The following CHEK2 variants were observed in gnomAD, a reference collection of about 807,000 sequenced individuals.
The protein encoded by CHEK2 is checkpoint kinase 2.
CHEK2 carries 71 observed loss-of-function variants against 69.1 expected under a neutral mutation model. That is an observed-to-expected ratio of 1.03 (90% confidence interval 0.85 to 1.25). The LOEUF is 1.25. Among genes scored for constraint, CHEK2 ranks in the 50% most tolerant of loss-of-function variants. The pLI, the probability that CHEK2 is intolerant of heterozygous loss-of-function variation, is 0.00. For missense variants in CHEK2, 664 were observed against 649.6 expected, an observed-to-expected ratio of 1.02 and a Z score of -0.24; for synonymous variants, 189 against 226.9, an observed-to-expected ratio of 0.83 and a Z score of 1.50.
chr22:28,709,916 A>G, intron 7 of CHEK2, 90 bp downstream of exon 7: 1 of 788,626 alleles, frequency 1.3e-6, no homozygotes, highest in South Asian at 1.5e-5. Flanking sequence ...ACACCTGGCC[A>G]ATATTATCTT....
chr22:28,699,264 AAGT>A (rs1351883197), intron 9 of CHEK2, among the ~76,000 whole-genome samples: 3 of 151,986 alleles, frequency 2.0e-5, no homozygotes, highest in African/African-American at 7.2e-5. Context: ...TGGCCTCTCA[AAGT>A]GCTGGGACTA....
At chr22:28,694,673 A>G (rs2052493381) in intron 12 of CHEK2, among the ~76,000 whole-genome samples, 1 of 152,214 alleles carries the variant, frequency 6.6e-6, no homozygotes, top group Admixed American at 6.5e-5. Context: ...TCTTCAGGGA[A>G]CTAAAGTTGC....
intron 7 of CHEK2, among the ~76,000 whole-genome samples, chr22:28,709,570 A>G (rs2073327): frequency 0.29 from 44,085 of 152,116 alleles, 6,673 homozygotes; most frequent in East Asian, 0.48. Context: ...GAATGTACAC[A>G]TAAGTTAAAG....
chr22:28,727,752 G>A (rs2054062011), intron 2 of CHEK2, among the ~76,000 whole-genome samples: 1 of 152,068 alleles, frequency 6.6e-6, no homozygotes, highest in African/African-American at 2.4e-5. Flanking sequence ...ACATATGAAA[G>A]GTGGCCAAGC....
intron 1 of CHEK2, among the ~76,000 whole-genome samples, chr22:28,736,990 A>C (rs1382447005): frequency 6.6e-6 from 1 of 152,086 alleles, no homozygotes; most frequent in Non-Finnish European, 1.5e-5. Context: ...AACCACCAGT[A>C]AAATCAAAGT....
intron 1 of CHEK2, among the ~76,000 whole-genome samples, chr22:28,737,474 CTT>C (rs543703620): frequency 3.3e-4 from 45 of 137,246 alleles, no homozygotes; most frequent in Middle Eastern, 3.9e-3. Context: ...CTGATTATTT[CTT>C]TTTTTTTTTT....
Position 28,741,148 on chromosome 22 carries a change from C to CAAAAA in CHEK2, c.-7+616_-7+620dup, listed in dbSNP as rs71194792. On this transcript the variant is annotated intron_variant, in intron 1 of 14. Transcript: ENST00000404276. ...CTGGCAACAGAGAGAGACTCCGTCT[C>CAAAAA]AAAAAAAAAAAAAAAAAAAAAAAAG... Among the ~76,000 whole-genome samples the CAAAAA allele has an allele frequency of 7.2e-3, 367 of 51,156 alleles. 6 individuals carry two copies. The highest frequency in any genetic ancestry group is 0.025 in the African/African-American group (357 of 14,540). 33.6% of individuals were successfully genotyped at this position (51,156 alleles called of 152,430 possible).
chr22:28,722,312 G>A (rs933937379), intron 4 of CHEK2, among the ~76,000 whole-genome samples: 7 of 151,442 alleles, frequency 4.6e-5, no homozygotes, highest in African/African-American at 9.7e-5. Context: ...AGGCCGAGGC[G>A]GAAGGATCAC....
rs1055548981 is a variant in CHEK2 at position 28,712,327 on chromosome 22, C to T, written c.684-310G>A. On this transcript the variant is annotated intron_variant, in intron 5 of 14. Transcript: ENST00000404276. The stretch of plus-strand genomic sequence containing the variant: ...AAAAATGAGAGAGAAACTACGTATC[C>T]GAGAGGTCAGAAAAACATTAACTAG... 8.1e-6 allele frequency: 3 copies of T among 371,672 alleles called. No homozygotes were observed. In the East Asian group the frequency reaches 1.3e-4, roughly 16 times the overall value. 23.0% of individuals were successfully genotyped at this position (371,672 alleles called of 1,614,324 possible).
intron 2 of CHEK2, among the ~76,000 whole-genome samples, chr22:28,730,210 GAGAGA>G (rs1164584945): frequency 1.5e-5 from 2 of 134,512 alleles, no homozygotes; most frequent in South Asian, 5.3e-4. Context: ...GAGAGAGGAA[GAGAGA>G]AGAGGAGAGA....
chr22:28,741,007 G>A (rs2054538252), intron 1 of CHEK2, among the ~76,000 whole-genome samples: 5 of 151,778 alleles, frequency 3.3e-5, no homozygotes, highest in Admixed American at 1.3e-4. Context: ...AATACTAGCC[G>A]GGCATGGTGG....
At chr22:28,715,632 C>G (rs1044755502) in intron 5 of CHEK2, among the ~76,000 whole-genome samples, 3 of 152,006 alleles carry the variant, frequency 2.0e-5, no homozygotes, top group Non-Finnish European at 2.9e-5. Context: ...GTCAGCCCGG[C>G]TGGTCTCAAA....
In CHEK2 at chr22:28,725,256, A is replaced by G; in HGVS notation, c.431T>C (p.Phe144Ser). 1 of 1,614,126 alleles carries G rather than the reference A, an allele frequency of 6.2e-7. No individual in the cohort carries two copies. The highest frequency in any genetic ancestry group is 8.5e-7 in the Non-Finnish European group (1 of 1,180,016). ...DKYRTYSKKH[F>S]RIFREVGPKN... ...TTCATTACCTACCCTGAAAATCCGA[A>G]AGTGTTTCTTGCTGTATGTTCGGTA... Residue 144 changes from phenylalanine to serine, a missense_variant, in exon 3 of 15, where the codon TTT becomes TCT. Transcript: ENST00000404276.
Position 28,710,072 on chromosome 22 carries a change from GA to G in CHEK2, c.793-14del. 1 of 1,518,628 alleles carries G rather than the reference GA, an allele frequency of 6.6e-7. No homozygotes were observed. The highest frequency in any genetic ancestry group is 9.1e-7 in the Non-Finnish European group (1 of 1,097,000). 94.1% of individuals were successfully genotyped at this position (1,518,628 alleles called of 1,614,324 possible). A position where few individuals can be genotyped will look rare whatever the true frequency, so the allele number is the denominator to read the frequency against. On this transcript the variant is annotated splice_polypyrimidine_tract_variant and intron_variant, in intron 6 of 14. Coordinates refer to ENST00000404276, the MANE Select transcript of CHEK2 (RefSeq NM_007194.4). ...TGAGAGCTGGGTCCTTTGATAAACA[GA>G]ATAACAGAGTTTATTAGTAATAATA...
At chr22:28,715,846 T>G (rs1169153044) in intron 5 of CHEK2, among the ~76,000 whole-genome samples, 3 of 151,968 alleles carry the variant, frequency 2.0e-5, no homozygotes, top group African/African-American at 7.3e-5. Context: ...AACATTGAAT[T>G]CCATACATTT....
intron 1 of CHEK2, chr22:28,737,357 C>T (rs1160713071): frequency 2.3e-6 from 1 of 438,764 alleles, no homozygotes; most frequent in Non-Finnish European, 4.6e-6. Flanking sequence ...TACAGCTTCT[C>T]TTTACAATAT....
At chr22:28,702,608 A>G (rs1365988938) in intron 8 of CHEK2, among the ~76,000 whole-genome samples, 1 of 142,174 alleles carries the variant, frequency 7.0e-6, no homozygotes, top group East Asian at 2.1e-4. Context: ...GTACAGTGGC[A>G]CAATCTCAGC....
intron 13 of CHEK2, among the ~76,000 whole-genome samples, chr22:28,690,418 C>A (rs2052316020): frequency 6.6e-6 from 1 of 151,728 alleles, no homozygotes; most frequent in Non-Finnish European, 1.5e-5. Context: ...CGCCTGAGGT[C>A]GGAAGTTTGA....
intron 2 of CHEK2, chr22:28,730,544 T>C (rs2146114223): frequency 1.4e-6 from 1 of 695,204 alleles, no homozygotes; most frequent in South Asian, 1.5e-5. Context: ...GGCCAGACTC[T>C]GTCTCTACAA....
Sources: allele counts gnomAD v4.1 joint callset (sites outside exome capture counted in the v4.1 genomes callset), GRCh38; gene constraint gnomAD v4.1.1; transcripts MANE v1.5; gene names NCBI Gene and HGNC (gene_info 2026-07-23, HGNC 2026-07-21).